The following LY75 variants were observed in gnomAD, a reference collection of about 807,000 sequenced individuals.
LY75 encodes the protein lymphocyte antigen 75.
Under a neutral mutation model 231.7 loss-of-function variants are expected in LY75, and 185 were observed. The observed-to-expected ratio is 0.80, with a 90% CI of 0.71 to 0.90. The LOEUF is 0.90. Among genes scored for constraint, LY75 ranks in the 40% least tolerant of loss-of-function variants. The probability of loss-of-function intolerance (pLI) is 0.00; values close to 1 mark genes in which losing one functional copy is unlikely to be tolerated. For missense variants in LY75, 1,947 were observed against 2,050.2 expected, an observed-to-expected ratio of 0.95 and a Z score of 0.97; for synonymous variants, 668 against 689.0, an observed-to-expected ratio of 0.97 and a Z score of 0.48.
intron 11 of LY75, among the ~76,000 whole-genome samples, chr2:159,876,450 CA>C (rs1685268482): frequency 6.6e-6 from 1 of 152,152 alleles, no homozygotes; most frequent in South Asian, 2.1e-4. Flanking sequence ...ACACAAACAG[CA>C]AGAGGAATAA....
At chr2:159,879,674 A>T (rs1244478139) in intron 8 of LY75, among the ~76,000 whole-genome samples, 2 of 152,190 alleles carry the variant, frequency 1.3e-5, no homozygotes, top group African/African-American at 4.8e-5. Flanking sequence ...CTCAGCCCAC[A>T]GTTCCAGCAT....
intron 5 of LY75, among the ~76,000 whole-genome samples, chr2:159,885,872 T>A (rs1038048620): frequency 2.0e-5 from 3 of 152,202 alleles, no homozygotes; most frequent in East Asian, 3.8e-4. Context: ...AAGATTTTAT[T>A]TTTCAAAGTT....
At chr2:159,822,602 AC>A (rs1333424062) in intron 28 of LY75, among the ~76,000 whole-genome samples, 24 of 152,208 alleles carry the variant, frequency 1.6e-4, no homozygotes, top group Non-Finnish European at 1.5e-5. Context: ...ACCTCCCAGC[AC>A]AGTGTTCGAG....
At chr2:159,887,686 TAAG>T (rs1261685017) in intron 4 of LY75, among the ~76,000 whole-genome samples, 1 of 152,058 alleles carries the variant, frequency 6.6e-6, no homozygotes, top group Non-Finnish European at 1.5e-5. Context: ...TTGATATGCC[TAAG>T]AAGCTTTCAC....
At chr2:159,840,390 G>A (rs1683980870) in intron 25 of LY75, among the ~76,000 whole-genome samples, 1 of 152,030 alleles carries the variant, frequency 6.6e-6, no homozygotes, top group Non-Finnish European at 1.5e-5. Context: ...TGGGCAATAT[G>A]GCAAAACCTC....
At chr2:159,827,957 G>A (rs1037901063) in intron 28 of LY75, among the ~76,000 whole-genome samples, 1 of 152,042 alleles carries the variant, frequency 6.6e-6, no homozygotes, top group African/African-American at 2.4e-5. Context: ...GGCCTGTCGG[G>A]GGGTAGGGGG....
chr2:159,862,216 C>T (rs1247424517), intron 14 of LY75, among the ~76,000 whole-genome samples: 2 of 146,680 alleles, frequency 1.4e-5, no homozygotes, highest in East Asian at 2.0e-4. Flanking sequence ...GGTGTGAACC[C>T]GGGAGGCGGA....
At chr2:159,895,415 A>G (rs1406805173) in intron 2 of LY75, among the ~76,000 whole-genome samples, 3 of 152,200 alleles carry the variant, frequency 2.0e-5, no homozygotes, top group Non-Finnish European at 2.9e-5. Context: ...TTCTTTTCCC[A>G]TATTACAAAC....
intron 15 of LY75, among the ~76,000 whole-genome samples, chr2:159,859,234 A>G (rs1181948440): frequency 6.6e-6 from 1 of 152,212 alleles, no homozygotes; most frequent in African/African-American, 2.4e-5. Flanking sequence ...CCTGTGTTAC[A>G]TTGGGAATTC....
chr2:159,878,600 A>C, intron 10 of LY75, 33 bp downstream of exon 10: 1 of 1,613,598 alleles, frequency 6.2e-7, no homozygotes, highest in Non-Finnish European at 8.5e-7. Flanking sequence ...CAGAGTTGAA[A>C]GTTTATGAGT....
chr2:159,839,269 G>A (rs960106237), intron 25 of LY75, among the ~76,000 whole-genome samples: 3 of 151,980 alleles, frequency 2.0e-5, no homozygotes, highest in African/African-American at 7.3e-5. Context: ...ACCCATCCTG[G>A]TATACTTTGG....
chr2:159,825,861 A>T (rs62175257), intron 28 of LY75, among the ~76,000 whole-genome samples: 62,116 of 152,054 alleles, frequency 0.41, 14,380 homozygotes, highest in Non-Finnish European at 0.52. Flanking sequence ...CAAAAATTAC[A>T]TGATTATCTC....
intron 33 of LY75, 122 bp downstream of exon 33, chr2:159,808,327 T>G (rs1410716576): frequency 1.3e-6 from 2 of 1,537,088 alleles, no homozygotes; most frequent in Non-Finnish European, 8.8e-7. Context: ...GCGACCTAGC[T>G]TATTTATCCA....
chr2:159,850,590 A>G (rs574161214), intron 21 of LY75, 123 bp from the exon 22 acceptor site: 17 of 1,177,158 alleles, frequency 1.4e-5, no homozygotes, highest in Non-Finnish European at 1.8e-5. Flanking sequence ...GTAATTTGCA[A>G]TGTAGTACCA....
At chr2:159,868,930 C>A (rs1480544121) in intron 13 of LY75, among the ~76,000 whole-genome samples, 1 of 152,092 alleles carries the variant, frequency 6.6e-6, no homozygotes, top group Non-Finnish European at 1.5e-5. Context: ...TTTGAAAGGC[C>A]ATGCCCCACA....
chr2:159,845,021 T>G (rs895951267), intron 23 of LY75, among the ~76,000 whole-genome samples: 1 of 152,144 alleles, frequency 6.6e-6, no homozygotes, highest in African/African-American at 2.4e-5. Flanking sequence ...CTTAGGATTA[T>G]GGCCTCCAGC....
chr2:159,806,951 T>C lies in LY75; in HGVS notation c.4990+22A>G, dbSNP rs1265275502. The stretch of plus-strand genomic sequence containing the variant: ...CCTGACTGTTCTGCAAAAAGTCTCC[T>C]AAGGACAGGTTCCATACTTACCCAG... On this transcript the variant is annotated intron_variant, in intron 34 of 34. Coordinates refer to ENST00000263636, the MANE Select transcript of LY75 (RefSeq NM_002349.4). 20 of 1,598,688 alleles carry C rather than the reference T, an allele frequency of 1.3e-5. 1 individual carries two copies. Among genetic ancestry groups the C allele is most frequent in the African/African-American group, 2.7e-5 (2 of 74,424 alleles).
At chr2:159,874,625 T>A (rs1177007638) in intron 12 of LY75, among the ~76,000 whole-genome samples, 158 of 4,858 alleles carry the variant, frequency 0.033, 12 homozygotes, top group East Asian at 0.099. Flanking sequence ...AATATATATA[T>A]AGTAAATATA....
At chr2:159,825,118 T>A (rs987551275) in intron 28 of LY75, among the ~76,000 whole-genome samples, 1 of 152,110 alleles carries the variant, frequency 6.6e-6, no homozygotes, top group Non-Finnish European at 1.5e-5. Flanking sequence ...AGAGCAGAAC[T>A]GAAGGCGATA....
Sources: allele counts gnomAD v4.1 joint callset (sites outside exome capture counted in the v4.1 genomes callset), GRCh38; gene constraint gnomAD v4.1.1; transcripts MANE v1.5; gene names NCBI Gene and HGNC (gene_info 2026-07-23, HGNC 2026-07-21).